ZBTB41: variants seen among roughly 807,000 people sequenced by gnomAD.
The protein encoded by ZBTB41 is zinc finger and BTB domain-containing protein 41.
ZBTB41 carries 42 observed loss-of-function variants against 87.6 expected under a neutral mutation model. The observed-to-expected ratio is 0.48, with a 90% CI of 0.37 to 0.62. The LOEUF (loss-of-function observed/expected upper bound fraction) is 0.62. ZBTB41 is among the 20% of genes least tolerant of loss of function. ZBTB41 has a pLI of 0.00. For missense variants in ZBTB41, 799 were observed against 1,078.9 expected (o/e 0.74, Z 3.63); for synonymous variants, 364 against 364.0 (o/e 1.00, Z 0.00).
chr1:197,168,659 T>C (rs2125126083), intron 10 of ZBTB41, among the ~76,000 whole-genome samples: 1 of 152,170 alleles, frequency 6.6e-6, no homozygotes, highest in South Asian at 2.1e-4. Flanking sequence ...AAAATAAATC[T>C]TCTAGAAGGT....
At chr1:197,161,000 G>A (rs1025451505) in intron 10 of ZBTB41, among the ~76,000 whole-genome samples, 1 of 152,082 alleles carries the variant, frequency 6.6e-6, no homozygotes, top group Non-Finnish European at 1.5e-5. Flanking sequence ...AAGGCTCTCA[G>A]TTTACAATAG....
chr1:197,201,171 C>G (rs1652781661), intron 1 of ZBTB41, among the ~76,000 whole-genome samples, 52 bp downstream of exon 1: 2 of 152,210 alleles, frequency 1.3e-5, no homozygotes, highest in African/African-American at 2.4e-5. Flanking sequence ...TCGGCGATCC[C>G]GCTACCCTTC....
rs748099181 is a variant in ZBTB41 at position 197,159,341 on chromosome 1, T to C, written c.*18A>G. ...TAGCATATAACCATCCAAAAATCTG[T>C]GGAATGTTTAGATTTACTCATGAAT... On this transcript the variant is annotated 3_prime_UTR_variant, in exon 11 of 11. Coordinates refer to ENST00000367405, the MANE Select transcript of ZBTB41 (RefSeq NM_194314.3). 6.2e-7 allele frequency: 1 copy of C among 1,610,274 alleles called. No homozygotes were observed. Among genetic ancestry groups the C allele is most frequent in the Non-Finnish European group, 8.5e-7 (1 of 1,177,210 alleles).
intron 7 of ZBTB41, among the ~76,000 whole-genome samples, chr1:197,177,278 T>G (rs1232711540): frequency 1.3e-5 from 2 of 152,106 alleles, no homozygotes; most frequent in African/African-American, 4.8e-5. Context: ...TTTAAAAGTG[T>G]TCCAGCAGTT....
chr1:197,160,245 T>C (rs769096700), intron 10 of ZBTB41, among the ~76,000 whole-genome samples: 1 of 152,102 alleles, frequency 6.6e-6, no homozygotes, highest in African/African-American at 2.4e-5. Context: ...TAGCCAAACA[T>C]TGAGCAAGCT....
intron 4 of ZBTB41, among the ~76,000 whole-genome samples, chr1:197,189,639 C>G (rs1255535292): frequency 6.6e-6 from 1 of 152,128 alleles, no homozygotes; most frequent in Non-Finnish European, 1.5e-5. Context: ...ATCTAATTCC[C>G]TTCTCTTTAA....
At chr1:197,180,927 T>C (rs1659730221) in intron 6 of ZBTB41, 61 bp downstream of exon 6, 1 of 1,512,712 alleles carries the variant, frequency 6.6e-7, no homozygotes, top group African/African-American at 1.4e-5. Flanking sequence ...TAAATCATAT[T>C]GATTGATTAT....
At chr1:197,184,794 C>CTTATT (rs1659839816) in intron 5 of ZBTB41, among the ~76,000 whole-genome samples, 1 of 147,560 alleles carries the variant, frequency 6.8e-6, no homozygotes, top group African/African-American at 2.5e-5. Context: ...AAGTTTACAA[C>CTTATT]TATTTATTTA....
chr1:197,200,568 G>T lies in ZBTB41; in HGVS notation c.-95C>A. The T allele has an allele frequency of 7.8e-7, 1 of 1,288,752 alleles. No homozygotes were observed. Among genetic ancestry groups the T allele is most frequent in the Non-Finnish European group, 1.0e-6 (1 of 955,648 alleles). 79.8% of individuals were successfully genotyped at this position (1,288,752 alleles called of 1,614,324 possible). On this transcript the variant is annotated 5_prime_UTR_variant, in exon 2 of 11. Coordinates refer to ENST00000367405, the MANE Select transcript of ZBTB41 (RefSeq NM_194314.3). ...TGTCTTGGATAACAGCTTCTGAAGG[G>T]GCGTGCCCAAGGGTTTCATGGTCTG...
At chr1:197,165,192 G>T (rs1186830962) in intron 10 of ZBTB41, among the ~76,000 whole-genome samples, 1 of 151,350 alleles carries the variant, frequency 6.6e-6, no homozygotes, top group Non-Finnish European at 1.5e-5. Context: ...AACTTGCTTA[G>T]AAAATCCCCA....
chr1:197,163,877 A>G lies in ZBTB41; in HGVS notation c.2075-3863T>C, dbSNP rs147242449. ...AGCTGCTAACGTAAATTCTACAGTC[A>G]GAAAAAAAATTACCTATGAGGTAAA... On this transcript the variant is annotated intron_variant, in intron 10 of 10. Transcript: ENST00000367405. Among the ~76,000 whole-genome samples, 927 of 152,218 alleles carry G rather than the reference A, an allele frequency of 6.1e-3. 10 individuals are homozygous for G. The highest frequency in any genetic ancestry group is 0.021 in the African/African-American group (890 of 41,570).
chr1:197,175,135 T>G lies in ZBTB41; in HGVS notation c.1880-20A>C, dbSNP rs755372661. The G allele has an allele frequency of 1.1e-5, 18 of 1,592,162 alleles. No homozygotes were observed. In the South Asian group the frequency reaches 1.9e-4, roughly 17 times the overall value. ...TTTCACCTTAAAATAAAGACCCAAA[T>G]ATTTTCATTATAATATACATCTCAG... On this transcript the variant is annotated intron_variant, in intron 8 of 10. Transcript: ENST00000367405.
chr1:197,190,717 G>A (rs1333442784), intron 4 of ZBTB41, 45 bp downstream of exon 4: 2 of 1,211,470 alleles, frequency 1.7e-6, no homozygotes, highest in Non-Finnish European at 2.4e-6. Flanking sequence ...AAAAGACGTT[G>A]CATTTACTTT....
chr1:197,184,360 A>C (rs1334693494), intron 5 of ZBTB41, among the ~76,000 whole-genome samples: 1 of 152,196 alleles, frequency 6.6e-6, no homozygotes, highest in African/African-American at 2.4e-5. Flanking sequence ...AAGATTAAGA[A>C]TCCCTTGTTG....
Position 197,176,653 on chromosome 1 carries a change from T to A in ZBTB41, c.1790A>T (p.His597Leu). 6.2e-7 allele frequency: 1 copy of A among 1,610,878 alleles called. No individual in the cohort carries two copies. The highest frequency in any genetic ancestry group is 8.5e-7 in the Non-Finnish European group (1 of 1,178,192). Reference protein sequence around the residue: ...GSSYRLHLRVHHDDKRYECDE... With the variant: ...GSSYRLHLRVLHDDKRYECDE... ...GCACTCATATCTTTTATCATCATGATGTACTCGTAAGTGAAGTCTATAAAG... is the reference window on the plus strand; with the variant it reads ...GCACTCATATCTTTTATCATCATGAAGTACTCGTAAGTGAAGTCTATAAAG... Residue 597 changes from histidine to leucine, a missense_variant, in exon 8 of 11, where the codon CAT becomes CTT. Around this residue, in one of 5 missense-constraint regions of ZBTB41, gnomAD observed 198 missense variants for 358.4 expected, o/e 0.55. Coordinates refer to ENST00000367405, the MANE Select transcript of ZBTB41 (RefSeq NM_194314.3).
chr1:197,181,049 A>C lies in ZBTB41; in HGVS notation c.1615T>G (p.Cys539Gly). Residue 539 changes from cysteine to glycine, a missense_variant, in exon 6 of 11, where the codon TGT (cysteine) becomes GGT (glycine). By Grantham distance (159) the Cys-to-Gly change is radical. Coordinates refer to ENST00000367405, the MANE Select transcript of ZBTB41 (RefSeq NM_194314.3). ...DTGNLKRHIE[C>G]THGGKRKWTC... ...CATTTTCTCTTTCCACCATGAGTAC[A>C]TTCTATATGACGTTTCAAATTTCCA... is the stretch of plus-strand genomic sequence containing the variant. 1.2e-6 allele frequency: 2 copies of C among 1,607,502 alleles called. No individual in the cohort carries two copies. Among genetic ancestry groups the C allele is most frequent in the Non-Finnish European group, 8.5e-7 (1 of 1,178,412 alleles).
chr1:197,166,492 G>A (rs1327505373), intron 10 of ZBTB41, among the ~76,000 whole-genome samples: 1 of 151,862 alleles, frequency 6.6e-6, no homozygotes, highest in East Asian at 1.9e-4. Context: ...TAAATAAATT[G>A]AAAATATGAC....
intron 2 of ZBTB41, among the ~76,000 whole-genome samples, chr1:197,195,515 T>C (rs1233701380): frequency 6.6e-6 from 1 of 152,194 alleles, no homozygotes; most frequent in Non-Finnish European, 1.5e-5. Context: ...ATTAAAATAC[T>C]TAGCCTTAGA....
At chr1:197,182,009 T>C (rs1659758466) in intron 5 of ZBTB41, among the ~76,000 whole-genome samples, 1 of 152,160 alleles carries the variant, frequency 6.6e-6, no homozygotes, top group Non-Finnish European at 1.5e-5. Context: ...CAAGTATTTA[T>C]TTATTCTTAA....
Sources: allele counts gnomAD v4.1 joint callset (sites outside exome capture counted in the v4.1 genomes callset), GRCh38; gene constraint gnomAD v4.1.1; regional missense constraint gnomAD v4.1.1; transcripts MANE v1.5; gene names NCBI Gene and HGNC (gene_info 2026-07-23, HGNC 2026-07-21).